CDH12: variants seen among roughly 807,000 people sequenced by gnomAD.
CDH12 encodes cadherin 12, also known as cadherin-12.
CDH12 carries 41 observed loss-of-function variants against 74.1 expected under a neutral mutation model. That is an observed-to-expected ratio of 0.55 (90% CI 0.43 to 0.72). CDH12 has a LOEUF of 0.72. Among genes scored for constraint, CDH12 ranks in the 30% least tolerant of loss-of-function variants. The probability of loss-of-function intolerance (pLI) is 0.00; values close to 1 mark genes in which losing one functional copy is unlikely to be tolerated. For synonymous variants in CDH12, 399 were observed against 355.0 expected (o/e 1.12, Z -1.39); for missense variants, 945 against 977.2 (o/e 0.97, Z 0.44).
chr5:21,832,822 A>T (rs1416339325), intron 8 of CDH12, among the ~76,000 whole-genome samples: 1 of 117,516 alleles, frequency 8.5e-6, no homozygotes, highest in Admixed American at 1.2e-4. Context: ...AATATATGAT[A>T]TATATTATAA....
intron 1 of CDH12, among the ~76,000 whole-genome samples, chr5:22,629,193 C>A (rs1238534659): frequency 6.6e-6 from 1 of 152,020 alleles, no homozygotes; most frequent in Non-Finnish European, 1.5e-5. Context: ...GGTATCATTT[C>A]TACTAAAACT....
chr5:22,078,592 G>T lies in CDH12; in HGVS notation c.85C>A (p.Gln29Lys), dbSNP rs756500499. ...LLTPLQPQPQ[Q>K]TLATEPRENV... The stretch of plus-strand genomic sequence containing the variant: ...TCTCTTGGCTCTGTGGCTAAAGTCT[G>T]CTGTGGCTGTGGTTGTAGTGGTGTT... Residue 29 changes from glutamine (Q) to lysine (K), a missense_variant, in exon 5 of 15, where the codon CAG (glutamine) becomes AAG (lysine). Around this residue, in one of 3 missense-constraint regions of CDH12, gnomAD observed 148 missense variants for 162.8 expected, o/e 0.91. Coordinates refer to ENST00000382254, the MANE Select transcript of CDH12 (RefSeq NM_004061.5). 3.8e-5 allele frequency: 61 copies of T among 1,613,794 alleles called. No individual in the cohort carries two copies. Among genetic ancestry groups the T allele is most frequent in the Non-Finnish European group, 5.0e-5 (59 of 1,179,870 alleles).
In CDH12 at chr5:21,951,398, T is replaced by A. The variant is rs1338570614; in HGVS notation, c.526+23693A>T. ...CCACCACATACGGCTAATTTTTGTATTTTTAGTAGAGACTAATTTTTGTAC... is the reference window on the plus strand; with the variant it reads ...CCACCACATACGGCTAATTTTTGTAATTTTAGTAGAGACTAATTTTTGTAC... On this transcript the variant is annotated intron_variant, in intron 6 of 14. Transcript: ENST00000382254. Among the ~76,000 whole-genome samples, 3 of 152,110 alleles carry A rather than the reference T, an allele frequency of 2.0e-5. No homozygotes were observed. In the East Asian group the frequency reaches 5.8e-4, roughly 29 times the overall value.
intron 3 of CDH12, among the ~76,000 whole-genome samples, chr5:22,274,407 A>G (rs913559754): frequency 2.6e-5 from 4 of 152,166 alleles, no homozygotes; most frequent in Admixed American, 2.6e-4. Context: ...GTTTAGCACT[A>G]TCTCTAAAAT....
rs530652571 is a variant in CDH12, at chr5:21,797,545, C to G, written c.1256+4622G>C. Among the ~76,000 whole-genome samples, 3 of 152,084 alleles carry G rather than the reference C, an allele frequency of 2.0e-5. No individual in the cohort carries two copies. The East Asian group carries it at 5.8e-4, about 30-fold the overall frequency. ...AAAACAGCTCTGTCTTTTGACAACC[C>G]CTTGTGGAGATCAATTAGATCCATC... is the stretch of plus-strand genomic sequence containing the variant. On this transcript the variant is annotated intron_variant, in intron 10 of 14. Transcript: ENST00000382254.
chr5:22,067,269 CA>C (rs1741628506), intron 5 of CDH12, among the ~76,000 whole-genome samples: 1 of 152,088 alleles, frequency 6.6e-6, no homozygotes, highest in Non-Finnish European at 1.5e-5. Flanking sequence ...ATAAATCTGA[CA>C]AAAATGTATT....
chr5:22,523,131 G>T (rs992951526), intron 1 of CDH12, among the ~76,000 whole-genome samples: 84 of 152,186 alleles, frequency 5.5e-4, no homozygotes, highest in African/African-American at 1.9e-3. Flanking sequence ...TTCCCCTCTT[G>T]ACTTTGAAAA....
At chr5:21,883,599 G>A in intron 6 of CDH12, 2 of 1,604,150 alleles carry the variant, frequency 1.2e-6, no homozygotes, top group Non-Finnish European at 1.7e-6. Flanking sequence ...TCTTGAAGAT[G>A]TTCAGCCTCA....
At chr5:22,004,250 C>T (rs1736798097) in intron 5 of CDH12, among the ~76,000 whole-genome samples, 1 of 152,156 alleles carries the variant, frequency 6.6e-6, no homozygotes, top group Non-Finnish European at 1.5e-5. Context: ...CTATTCCTTC[C>T]TCATGCTGTT....
chr5:22,144,727 T>A (rs1217286131), intron 4 of CDH12, among the ~76,000 whole-genome samples: 1 of 152,020 alleles, frequency 6.6e-6, no homozygotes, highest in Non-Finnish European at 1.5e-5. Context: ...TCTTTCCACA[T>A]TTTGACGTAA....
chr5:22,314,043 A>AT (rs1738504206), intron 3 of CDH12, among the ~76,000 whole-genome samples: 1 of 152,222 alleles, frequency 6.6e-6, no homozygotes, highest in Non-Finnish European at 1.5e-5. Context: ...AGTGGAAAGT[A>AT]TTAGAAGACA....
chr5:21,826,334 C>G (rs1317461830), intron 8 of CDH12, among the ~76,000 whole-genome samples: 1 of 152,282 alleles, frequency 6.6e-6, no homozygotes, highest in East Asian at 1.9e-4. Context: ...GTCACTCTCT[C>G]AGCAAGTAGT....
At chr5:22,242,958 C>A (rs1046657413) in intron 3 of CDH12, among the ~76,000 whole-genome samples, 4 of 151,988 alleles carry the variant, frequency 2.6e-5, no homozygotes, top group East Asian at 1.9e-4. Context: ...TCCCCATCCC[C>A]GCTTTTTTTT....
At chr5:22,321,138 A>G (rs1462556199) in intron 3 of CDH12, among the ~76,000 whole-genome samples, 1 of 152,148 alleles carries the variant, frequency 6.6e-6, no homozygotes, top group Non-Finnish European at 1.5e-5. Flanking sequence ...TGTTTTTCAA[A>G]AAAATAAATT....
At chr5:21,909,837 T>C (rs1040259187) in intron 6 of CDH12, among the ~76,000 whole-genome samples, 2 of 152,172 alleles carry the variant, frequency 1.3e-5, no homozygotes, top group Non-Finnish European at 2.9e-5. Context: ...TATTTTTGCA[T>C]TTTGTCACTC....
intron 9 of CDH12, among the ~76,000 whole-genome samples, chr5:21,814,862 T>G (rs1328232303): frequency 7.0e-6 from 1 of 141,952 alleles, no homozygotes; most frequent in Non-Finnish European, 1.6e-5. Context: ...GTTGGAGACC[T>G]TCTTAGGGAA....
intron 10 of CDH12, among the ~76,000 whole-genome samples, chr5:21,797,515 A>G (rs1746855160): frequency 6.6e-6 from 1 of 152,104 alleles, no homozygotes; most frequent in Non-Finnish European, 1.5e-5. Flanking sequence ...TTTCATGTTG[A>G]TTCAAAAACA....
intron 1 of CDH12, among the ~76,000 whole-genome samples, chr5:22,602,877 A>C (rs945451235): frequency 2.0e-5 from 3 of 152,186 alleles, no homozygotes; most frequent in Admixed American, 1.3e-4. Flanking sequence ...CATATCTGCC[A>C]ATCAAAAAGG....
chr5:22,557,850 GAA>G, intron 1 of CDH12, among the ~76,000 whole-genome samples: 1 of 151,964 alleles, frequency 6.6e-6, no homozygotes, highest in Non-Finnish European at 1.5e-5. Flanking sequence ...TTTCTTTCAG[GAA>G]ACATAGACTT....
Sources: allele counts gnomAD v4.1 joint callset (sites outside exome capture counted in the v4.1 genomes callset), GRCh38; gene constraint gnomAD v4.1.1; regional missense constraint gnomAD v4.1.1; transcripts MANE v1.5; gene names NCBI Gene and HGNC (gene_info 2026-07-23, HGNC 2026-07-21).